Variants in GRK7 observed in about 807,000 individuals in gnomAD.
GRK7 encodes rhodopsin kinase GRK7.
In GRK7, 24 loss-of-function variants were observed where a neutral mutation model predicts 34.1. That is an observed-to-expected ratio of 0.70 (90% CI 0.51 to 0.99). The LOEUF (loss-of-function observed/expected upper bound fraction) is 0.99, where lower values mean the gene tolerates loss of function less well. Ranked by LOEUF, GRK7 falls within the 50% of genes least tolerant of loss-of-function variation. The pLI is 0.00. For synonymous variants in GRK7, 256 were observed against 279.4 expected, an observed-to-expected ratio of 0.92 and a Z score of 0.84; for missense variants, 644 against 707.3, an observed-to-expected ratio of 0.91 and a Z score of 1.02.
chr3:141,789,579 C>T (rs1007183537), intron 4 of GRK7, among the ~76,000 whole-genome samples: 4 of 147,670 alleles, frequency 2.7e-5, no homozygotes, highest in Non-Finnish European at 4.4e-5. Flanking sequence ...ACGTAAATCT[C>T]ATGGATCGAG....
chr3:141,812,712 C>T (rs1023228232), intron 5 of GRK7, among the ~76,000 whole-genome samples: 1 of 152,182 alleles, frequency 6.6e-6, no homozygotes, highest in South Asian at 2.1e-4. Context: ...CCAAGGCTCC[C>T]TGGGCATGGT....
chr3:141,753,963 T>C, the GRK7 span, among the ~76,000 whole-genome samples: 1 of 152,242 alleles, frequency 6.6e-6, no homozygotes, highest in Non-Finnish European at 1.5e-5. Flanking sequence ...AGAAGTATAA[T>C]GATGTCTCAA....
chr3:141,756,330 G>GGC, the GRK7 span, among the ~76,000 whole-genome samples: 17 of 97,042 alleles, frequency 1.8e-4, no homozygotes, highest in African/African-American at 2.5e-4. Flanking sequence ...AAAAAAAGGT[G>GGC]GGGGGGTGAA....
intron 1 of GRK7, among the ~76,000 whole-genome samples, chr3:141,767,680 C>T (rs562358280): frequency 6.6e-5 from 10 of 152,238 alleles, no homozygotes; most frequent in African/African-American, 2.2e-4. Context: ...GGATTACAGG[C>T]GTGAGCCACC....
chr3:141,808,376 GATTCCACTT>G (rs751609070), intron 5 of GRK7, among the ~76,000 whole-genome samples: 2 of 152,082 alleles, frequency 1.3e-5, no homozygotes, highest in African/African-American at 2.4e-5. Context: ...AATATTACAT[GATTCCACTT>G]ATATGAGGTA....
chr3:141,783,928 G>A (rs1050721144), intron 4 of GRK7, among the ~76,000 whole-genome samples: 3 of 152,150 alleles, frequency 2.0e-5, no homozygotes, highest in Non-Finnish European at 2.9e-5. Flanking sequence ...GCTGTGAATC[G>A]TGGATCCATG....
In GRK7 at chr3:141,764,948, C is replaced by G. The variant is rs2084573302; in HGVS notation, c.-1005C>G. Among the ~76,000 whole-genome samples the G allele has an allele frequency of 6.6e-6, 1 of 152,216 alleles. No individual in the cohort carries two copies. Among genetic ancestry groups the G allele is most frequent in the Admixed American group, 6.5e-5 (1 of 15,284 alleles). On this transcript the variant is annotated 5_prime_UTR_variant, in exon 1 of 6. Transcript: ENST00000682958. Reference sequence around the variant, plus strand: ...CATCCATAAGCAAACTATCTTCCCCCTCCCCTGATTTCTCACCAGGGTTAC... The same window carrying G: ...CATCCATAAGCAAACTATCTTCCCCGTCCCCTGATTTCTCACCAGGGTTAC...
At chr3:141,768,644 T>A (rs1458520022) in intron 1 of GRK7, among the ~76,000 whole-genome samples, 3 of 152,066 alleles carry the variant, frequency 2.0e-5, no homozygotes, top group Non-Finnish European at 2.9e-5. Context: ...TCGCAACCCC[T>A]CCAGCTCCCC....
rs1215681005 is a variant in GRK7 at position 141,778,390 on chromosome 3, A to G, written c.106A>G (p.Ser36Gly). ...CAAAGAGCTGCAGCGGCGGCGGCGT[A>G]GCCTGGCCCTGCCCGGGCTGCAGGG... is the stretch of plus-strand genomic sequence containing the variant. ...DSKELQRRRR[S>G]LALPGLQGCA... Residue 36 changes from serine (S) to glycine (G), a missense_variant, in exon 3 of 6, where the codon AGC becomes GGC. Transcript: ENST00000682958. This position sits in a 1 kb window ranked among gnomAD's most constrained non-coding sequence, Gnocchi z 4.1. The G allele has an allele frequency of 1.4e-5, 22 of 1,612,208 alleles. No individual in the cohort carries two copies. The highest frequency in any genetic ancestry group is 1.9e-5 in the Non-Finnish European group (22 of 1,179,386).
At chr3:141,768,193 G>A (rs960067619) in intron 1 of GRK7, among the ~76,000 whole-genome samples, 2 of 151,726 alleles carry the variant, frequency 1.3e-5, no homozygotes, top group Non-Finnish European at 2.9e-5. Flanking sequence ...GCTGTCTGGA[G>A]AGCTGCCCTT....
chr3:141,787,624 C>CA (rs36081874), intron 4 of GRK7, among the ~76,000 whole-genome samples: 7,385 of 94,056 alleles, frequency 0.079, 427 homozygotes, highest in African/African-American at 0.16. Flanking sequence ...GACTCTGCCT[C>CA]AAAAAAAAAA....
chr3:141,766,479 T>A (rs1052143734), intron 1 of GRK7, among the ~76,000 whole-genome samples: 1 of 152,200 alleles, frequency 6.6e-6, no homozygotes, highest in Non-Finnish European at 1.5e-5. Flanking sequence ...TTCTTATAAC[T>A]TCCTTATTCT....
rs899320651 is a variant in GRK7 at position 141,801,147 on chromosome 3, A to G, written c.1051-6498A>G. Among the ~76,000 whole-genome samples, 23 of 151,626 alleles carry G rather than the reference A, an allele frequency of 1.5e-4. 1 individual carries two copies. The highest frequency in any genetic ancestry group is 1.5e-5 in the Non-Finnish European group (1 of 67,890). ...AACAGGGTGAAACCCCGTCTCTACT[A>G]AAAAATACAAAAAATTAGCCGGGTG... is the stretch of plus-strand genomic sequence containing the variant. On this transcript the variant is annotated intron_variant, in intron 4 of 5. Transcript: ENST00000682958.
At chr3:141,814,052 C>T (rs1319749903) in intron 5 of GRK7, among the ~76,000 whole-genome samples, 1 of 152,118 alleles carries the variant, frequency 6.6e-6, no homozygotes, top group Non-Finnish European at 1.5e-5. Flanking sequence ...TATCATCTGA[C>T]ATAGTGGGGA....
chr3:141,767,546 A>T (rs1259353631), intron 1 of GRK7, among the ~76,000 whole-genome samples: 1 of 152,040 alleles, frequency 6.6e-6, no homozygotes, highest in Non-Finnish European at 1.5e-5. Flanking sequence ...GACTATAGGC[A>T]TGTGCCACCA....
At chr3:141,811,499 CT>C (rs1559848608) in intron 5 of GRK7, among the ~76,000 whole-genome samples, 1 of 152,088 alleles carries the variant, frequency 6.6e-6, no homozygotes, top group South Asian at 2.1e-4. Context: ...CAAGCAAAGC[CT>C]TTTTAGTAAA....
At chr3:141,750,517 T>G in the GRK7 span, among the ~76,000 whole-genome samples, 4 of 152,196 alleles carry the variant, frequency 2.6e-5, no homozygotes, top group African/African-American at 9.6e-5. Context: ...ATGGAGTTGT[T>G]ATGAAGATTA....
chr3:141,797,639 GC>G (rs1304788595), intron 4 of GRK7, among the ~76,000 whole-genome samples: 1 of 152,122 alleles, frequency 6.6e-6, no homozygotes, highest in Non-Finnish European at 1.5e-5. Context: ...TTTGTGATGA[GC>G]TGGGGGAAGA....
chr3:141,792,633 A>G (rs1232233565), intron 4 of GRK7, among the ~76,000 whole-genome samples: 1 of 152,188 alleles, frequency 6.6e-6, no homozygotes, highest in African/African-American at 2.4e-5. Flanking sequence ...CTCCCTGGAA[A>G]CAGACTGAGA....
Sources: allele counts gnomAD v4.1 joint callset (sites outside exome capture counted in the v4.1 genomes callset), GRCh38; gene constraint gnomAD v4.1.1; non-coding constraint Gnocchi (gnomAD v3.1); transcripts MANE v1.5; gene names NCBI Gene and HGNC (gene_info 2026-07-23, HGNC 2026-07-21).